Variants in ZFHX3 observed in about 807,000 individuals in gnomAD.
The protein encoded by ZFHX3 is zinc finger homeobox protein 3.
ZFHX3 carries 42 observed loss-of-function variants against 279.1 expected under a neutral mutation model. The observed-to-expected ratio is 0.15, with a 90% CI of 0.12 to 0.19. The LOEUF is 0.19. Among genes scored for constraint, ZFHX3 ranks in the 10% least tolerant of loss-of-function variants. ZFHX3 has a pLI of 1.00. For synonymous variants in ZFHX3, 2,293 were observed against 1,957.8 expected (o/e 1.17, Z -4.52); for missense variants, 4,981 against 4,754.0 (o/e 1.05, Z -1.40).
At chr16:73,203,810 C>T (rs988676452) in intron 5 of ZFHX3, among the ~76,000 whole-genome samples, 1 of 152,148 alleles carries the variant, frequency 6.6e-6, no homozygotes, top group African/African-American at 2.4e-5. Context: ...CTCAGTGGTA[C>T]CTGGGCATGA....
In ZFHX3 at chr16:72,787,445, G is replaced by A. The variant is rs200992486; in HGVS notation, c.10831C>T (p.His3611Tyr). The part of the protein sequence containing the change: ...SAAAPSSASP[H>Y]ASRKSWPQVV... ...TGCGGCCAAGACTTCCTGGAGGCGT[G>A]GGGGGAAGCGGAGGAGGGGGCGGCG... The change falls in exon 10 of 10, where the codon CAC (histidine) becomes TAC (tyrosine). Residue 3611 changes from histidine (H) to tyrosine (Y), a missense_variant. This residue lies in a region of ZFHX3 where 1,034 missense variants were observed against 786.0 expected (regional missense o/e 1.32). Coordinates refer to ENST00000268489, the MANE Select transcript of ZFHX3 (RefSeq NM_006885.4). 12,613 of 1,604,088 alleles carry A rather than the reference G, an allele frequency of 7.9e-3. 78 individuals carry two copies. The highest frequency in any genetic ancestry group is 0.014 in the Admixed American group (839 of 59,394).
intron 3 of ZFHX3, among the ~76,000 whole-genome samples, chr16:73,419,140 G>A (rs2017663198): frequency 6.6e-6 from 1 of 152,206 alleles, no homozygotes; most frequent in Admixed American, 6.5e-5. Context: ...ACTGTGTTCT[G>A]TACAAGCAAG....
chr16:73,154,213 C>T (rs938080783), intron 5 of ZFHX3, among the ~76,000 whole-genome samples: 8 of 152,176 alleles, frequency 5.3e-5, no homozygotes, highest in Admixed American at 3.3e-4. Flanking sequence ...TGACATGGCT[C>T]CTTGCTGAGG....
At chr16:73,795,602 G>T (rs1226858074) in intron 1 of ZFHX3, among the ~76,000 whole-genome samples, 3 of 152,140 alleles carry the variant, frequency 2.0e-5, no homozygotes, top group Non-Finnish European at 4.4e-5. Context: ...ATTGTCCCTA[G>T]GAAGAGCAGT....
chr16:72,929,245 A>G (rs1959657697), intron 3 of ZFHX3, among the ~76,000 whole-genome samples: 1 of 151,942 alleles, frequency 6.6e-6, no homozygotes, highest in Non-Finnish European at 1.5e-5. Context: ...TGTCTAAAAA[A>G]AAAAAAAAAA....
intron 8 of ZFHX3, among the ~76,000 whole-genome samples, chr16:73,084,262 G>T (rs1965982627): frequency 6.6e-6 from 1 of 152,142 alleles, no homozygotes; most frequent in Non-Finnish European, 1.5e-5. Context: ...GCAAGAGAAA[G>T]AAATAAAGTG....
At chr16:73,121,596 G>T (rs1368654577) in intron 7 of ZFHX3, among the ~76,000 whole-genome samples, 1 of 151,438 alleles carries the variant, frequency 6.6e-6, no homozygotes, top group Non-Finnish European at 1.5e-5. Flanking sequence ...TATTAGGCTG[G>T]CGCAGAACTA....
intron 1 of ZFHX3, among the ~76,000 whole-genome samples, chr16:73,865,509 C>T (rs1257656351): frequency 6.6e-6 from 1 of 152,220 alleles, no homozygotes; most frequent in African/African-American, 2.4e-5. Flanking sequence ...AACCTCCCAA[C>T]TCTCTTATAT....
chr16:73,074,702 A>AAGGG (rs368408890), intron 8 of ZFHX3, among the ~76,000 whole-genome samples: 1 of 147,302 alleles, frequency 6.8e-6, no homozygotes, highest in Non-Finnish European at 1.5e-5. Context: ...GGAAGGAGGG[A>AAGGG]AGGGAGGGAG....
At chr16:73,430,015 G>A (rs1448070230) in intron 3 of ZFHX3, among the ~76,000 whole-genome samples, 1 of 152,156 alleles carries the variant, frequency 6.6e-6, no homozygotes, top group East Asian at 1.9e-4. Context: ...AGCCTCCCAA[G>A]TAGCTGGGAT....
chr16:73,195,974 C>T lies in ZFHX3; in HGVS notation c.-1103-52143G>A, dbSNP rs1332769509. Among the ~76,000 whole-genome samples the T allele has an allele frequency of 6.6e-5, 10 of 152,250 alleles. No individual in the cohort carries two copies. The East Asian group carries it at 1.9e-3, about 29-fold the overall frequency. On this transcript the variant is annotated intron_variant, in intron 5 of 17. Transcript: ENST00000641206. Reference sequence around the variant, plus strand: ...TACGTGTATATCTTTGTATCTCCCTCATTGCCTAACACACATGCCGTGTAC... The same window carrying T: ...TACGTGTATATCTTTGTATCTCCCTTATTGCCTAACACACATGCCGTGTAC...
intron 4 of ZFHX3, among the ~76,000 whole-genome samples, chr16:73,264,527 T>C (rs771390985): frequency 3.9e-5 from 6 of 152,126 alleles, no homozygotes; most frequent in African/African-American, 7.2e-5. Context: ...TCTGCTACTC[T>C]ATTATTATGA....
intron 2 of ZFHX3, among the ~76,000 whole-genome samples, chr16:73,564,554 T>C (rs2020422975): frequency 6.6e-6 from 1 of 152,166 alleles, no homozygotes; most frequent in African/African-American, 2.4e-5. Flanking sequence ...ACTGCCTCTC[T>C]TCCACCCATC....
intron 8 of ZFHX3, among the ~76,000 whole-genome samples, chr16:72,799,126 G>C (rs1466244998): frequency 1.3e-5 from 2 of 152,218 alleles, no homozygotes; most frequent in African/African-American, 2.4e-5. Context: ...ATTTAGCACA[G>C]TAGATCTGAA....
chr16:73,397,896 G>A (rs75413914), intron 3 of ZFHX3, among the ~76,000 whole-genome samples: 1 of 152,180 alleles, frequency 6.6e-6, no homozygotes, highest in Non-Finnish European at 1.5e-5. Flanking sequence ...CCAGGCTGGA[G>A]TGCAATGGCG....
At chr16:73,742,304 A>G (rs2053665303) in intron 1 of ZFHX3, among the ~76,000 whole-genome samples, 1 of 152,174 alleles carries the variant, frequency 6.6e-6, no homozygotes, top group South Asian at 2.1e-4. Flanking sequence ...AATACCTCTA[A>G]AAGGATAGAG....
At chr16:73,442,730 A>G (rs1156694923) in intron 3 of ZFHX3, among the ~76,000 whole-genome samples, 1 of 152,070 alleles carries the variant, frequency 6.6e-6, no homozygotes, top group Non-Finnish European at 1.5e-5. Context: ...TTTTTTGCCA[A>G]AAGGGCCAGA....
chr16:73,022,923 C>T (rs1325633967), intron 1 of ZFHX3, among the ~76,000 whole-genome samples: 1 of 152,048 alleles, frequency 6.6e-6, no homozygotes, highest in African/African-American at 2.4e-5. Context: ...GTGAAATGTG[C>T]CCATGTTTAA....
At chr16:73,620,197 C>G (rs1001952350) in intron 2 of ZFHX3, among the ~76,000 whole-genome samples, 1 of 152,184 alleles carries the variant, frequency 6.6e-6, no homozygotes, top group Admixed American at 6.5e-5. Flanking sequence ...ACCCAGCATA[C>G]TAGAGGTAGC....
Sources: allele counts gnomAD v4.1 joint callset (sites outside exome capture counted in the v4.1 genomes callset), GRCh38; gene constraint gnomAD v4.1.1; regional missense constraint gnomAD v4.1.1; transcripts MANE v1.5; gene names NCBI Gene and HGNC (gene_info 2026-07-23, HGNC 2026-07-21).